Variants in EIF2D observed in about 807,000 individuals in gnomAD.
EIF2D encodes the protein eukaryotic translation initiation factor 2D.
Under a neutral mutation model 77.4 loss-of-function variants are expected in EIF2D, and 56 were observed. The observed-to-expected ratio is 0.72, with a 90% CI of 0.58 to 0.90. The LOEUF (loss-of-function observed/expected upper bound fraction) is 0.90. EIF2D is among the 40% of genes least tolerant of loss of function. The pLI is 0.00. For synonymous variants in EIF2D, 230 were observed against 271.0 expected (o/e 0.85, Z 1.49); for missense variants, 574 against 706.5 (o/e 0.81, Z 2.13).
intron 4 of EIF2D, among the ~76,000 whole-genome samples, chr1:206,578,085 G>A (rs1463387363): frequency 1.3e-5 from 2 of 150,826 alleles, no homozygotes; most frequent in Non-Finnish European, 3.0e-5. Flanking sequence ...AAATTAGCCA[G>A]GAGTGTGGCA....
intron 14 of EIF2D, 142 bp from the exon 15 acceptor site, chr1:206,591,987 A>C: frequency 5.6e-6 from 4 of 711,586 alleles, no homozygotes; most frequent in Non-Finnish European, 1.0e-5. Flanking sequence ...CCTACACCTC[A>C]CAGCTGATGT....
At chr1:206,608,785 C>T (rs1670323312) in intron 3 of EIF2D, among the ~76,000 whole-genome samples, 1 of 152,220 alleles carries the variant, frequency 6.6e-6, no homozygotes, top group Non-Finnish European at 1.5e-5. Flanking sequence ...GGTGCGGTGG[C>T]TCACGCCTGT....
chr1:206,611,191 A>C lies in EIF2D; in HGVS notation c.240T>G (p.Tyr80Ter). Residue 80 changes from tyrosine to a stop codon, truncating the protein, a stop_gained, in exon 2 of 15, where the codon TAT becomes TAG. Transcript: ENST00000271764. LOFTEE classifies it high-confidence loss of function. Reference sequence around the variant, plus strand: ...TTCGTCCTGTTGTCATACCTGTTGGATACAGATTTTTCTCCAGTTCAAAGA... The same window carrying C: ...TTCGTCCTGTTGTCATACCTGTTGGCTACAGATTTTTCTCCAGTTCAAAGA... ...PILFELEKNL[Y>*]PTVYTLWSYP... The C allele has an allele frequency of 2.5e-6, 4 of 1,612,808 alleles. No individual in the cohort carries two copies. The highest frequency in any genetic ancestry group is 3.4e-6 in the Non-Finnish European group (4 of 1,179,034).
intron 2 of EIF2D, chr1:206,585,164 C>T (rs1558525024): frequency 6.3e-7 from 1 of 1,597,316 alleles, no homozygotes; most frequent in Non-Finnish European, 8.6e-7. Flanking sequence ...TCCCAGCACC[C>T]TCTCTTGGTT....
chr1:206,583,540 GC>G, intron 2 of EIF2D: 1 of 607,418 alleles, frequency 1.6e-6, no homozygotes, highest in Non-Finnish European at 3.0e-6. Context: ...GATAGCCAGA[GC>G]CCTCAGTGGC....
Position 206,603,186 on chromosome 1 carries a change from G to A in EIF2D, c.549C>T (p.Ser183=), listed in dbSNP as rs782009219. Residue 183 remains serine (S), a synonymous_variant, in exon 6 of 15, where the codon TCC becomes TCT. Transcript: ENST00000271764. ...QDHLWRSGNK[S]SPPSIAPLAL... is the part of the protein sequence containing the mutation. ...CCAGTGGAGCAATGGAAGGTGGAGAGGACTTGTTTCCAGACCGCCTGGAAA... is the reference window on the plus strand; with the variant it reads ...CCAGTGGAGCAATGGAAGGTGGAGAAGACTTGTTTCCAGACCGCCTGGAAA... 3 of 1,613,660 alleles carry A rather than the reference G, an allele frequency of 1.9e-6. No homozygotes were observed. Among genetic ancestry groups the A allele is most frequent in the South Asian group, 2.2e-5 (2 of 91,078 alleles).
Position 206,611,259 on chromosome 1 carries a change from C to T in EIF2D, c.172G>A (p.Gly58Arg). The change falls in exon 2 of 15, where the codon GGG (glycine) becomes AGG (arginine). Residue 58 changes from glycine to arginine, a missense_variant. Transcript: ENST00000271764. ...CTCACGTACACAGTCACTGCATCCC[C>T]TTTGTGAGCATACAACTTCACAATG... ...LNIVKLYAHK[G>R]DAVTVYVSGG... 2 of 1,614,228 alleles carry T rather than the reference C, an allele frequency of 1.2e-6. No individual in the cohort carries two copies. Among genetic ancestry groups the T allele is most frequent in the Non-Finnish European group, 1.7e-6 (2 of 1,180,040 alleles).
At chr1:206,580,937 G>C (rs1403877981) in exon 3 of EIF2D, 1 of 152,218 alleles carries the variant, frequency 6.6e-6, no homozygotes. Flanking sequence ...TAACTTACAG[G>C]CTTTGGTTTA....
chr1:206,581,709 G>T (rs1668887703), intron 2 of EIF2D, among the ~76,000 whole-genome samples: 1 of 152,178 alleles, frequency 6.6e-6, no homozygotes, highest in African/African-American at 2.4e-5. Flanking sequence ...GTGCTGAGGG[G>T]TTGGAGGTGG....
At chr1:206,586,712 T>A, downstream of EIF2D, 1 of 807,008 alleles carries the variant, frequency 1.2e-6, no homozygotes, top group Non-Finnish European at 2.0e-6. Flanking sequence ...AAACTGTGTG[T>A]GAATCACGGA....
chr1:206,571,971 TAA>T (rs1391291757), intron 5 of EIF2D, among the ~76,000 whole-genome samples: 8 of 151,994 alleles, frequency 5.3e-5, no homozygotes, highest in African/African-American at 1.9e-4. Context: ...ACCTCTGAGC[TAA>T]AAAGGGGGCT....
rs782322660 is a variant in EIF2D, at chr1:206,597,096, T to C, written c.1388+4A>G. On this transcript the variant is annotated splice_donor_region_variant and intron_variant, in intron 12 of 14. Transcript: ENST00000271764. Reference sequence around the variant, plus strand: ...GTTGGAGAGGGACTGCCAATGCTCGTTACCTGGTCAGAAGACTGTCCCATG... The same window carrying C: ...GTTGGAGAGGGACTGCCAATGCTCGCTACCTGGTCAGAAGACTGTCCCATG... The C allele has an allele frequency of 2.5e-6, 4 of 1,613,284 alleles. No individual in the cohort carries two copies. Among genetic ancestry groups the C allele is most frequent in the African/African-American group, 1.3e-5 (1 of 75,026 alleles).
chr1:206,590,239 A>G (rs1450774769), downstream of EIF2D, among the ~76,000 whole-genome samples: 1 of 152,216 alleles, frequency 6.6e-6, no homozygotes, highest in Non-Finnish European at 1.5e-5. Context: ...AGGTCTGGAC[A>G]GCACTGTGTC....
rs1286437460 is a variant in EIF2D, at chr1:206,593,506, A to AGTGTGTGTGTGTGCGTGTGT, written c.1684+112_1684+113insACACACGCACACACACACAC. On this transcript the variant is annotated intron_variant, in intron 14 of 14. Transcript: ENST00000271764. ...GAGAGAGCGAGAGAGAGAGAGAGAGAGAGTGTGTGTGTGTGTGTGTGTGTG... is the reference window on the plus strand; with the variant it reads ...GAGAGAGCGAGAGAGAGAGAGAGAGAGTGTGTGTGTGTGCGTGTGTGAGTGTGTGTGTGTGTGTGTGTGTG... The AGTGTGTGTGTGTGCGTGTGT allele has an allele frequency of 4.1e-5, 18 of 442,810 alleles. 1 individual carries two copies. The highest frequency in any genetic ancestry group is 1.2e-4 in the East Asian group (3 of 24,408). 27.4% of individuals were successfully genotyped at this position (442,810 alleles called of 1,614,324 possible). A position where few individuals can be genotyped will look rare whatever the true frequency, so the allele number is the denominator to read the frequency against.
intron 2 of EIF2D, among the ~76,000 whole-genome samples, chr1:206,582,513 CAT>C (rs1348217594): frequency 6.6e-6 from 1 of 152,196 alleles, no homozygotes; most frequent in Non-Finnish European, 1.5e-5. Flanking sequence ...TTGTGAGAAT[CAT>C]ATGAGATAAT....
Position 206,612,395 on chromosome 1 carries a change from A to G in EIF2D, c.-53T>C. 14 of 1,611,728 alleles carry G rather than the reference A, an allele frequency of 8.7e-6. No individual in the cohort carries two copies. The highest frequency in any genetic ancestry group is 1.2e-5 in the Non-Finnish European group (14 of 1,177,860). On this transcript the variant is annotated 5_prime_UTR_variant, in exon 1 of 15. Coordinates refer to ENST00000271764, the MANE Select transcript of EIF2D (RefSeq NM_006893.3). ...GCACAGAAGCCAGGGAATGTCAAGA[A>G]AGCGAGGGCGCAGCAGCTGCCAGGC...
chr1:206,592,072 G>A lies in EIF2D; in HGVS notation c.1685-227C>T, dbSNP rs542610886. On this transcript the variant is annotated intron_variant, in intron 14 of 14. Transcript: ENST00000271764. The surrounding 1 kb of genome is among the most constrained non-coding windows in gnomAD (Gnocchi z 4.7). ...AGGCATTTATAATTTTTTCACGAGA[G>A]AGAATGTGTCTGTTCAGTCTGTGCT... is the stretch of plus-strand genomic sequence containing the variant. Among the ~76,000 whole-genome samples the A allele has an allele frequency of 6.6e-6, 1 of 152,318 alleles. No homozygotes were observed. The highest frequency in any genetic ancestry group is 1.5e-5 in the Non-Finnish European group (1 of 68,030).
At chr1:206,597,491 G>A (rs781820217) in intron 11 of EIF2D, among the ~76,000 whole-genome samples, 1 of 152,220 alleles carries the variant, frequency 6.6e-6, no homozygotes, top group Non-Finnish European at 1.5e-5. Context: ...ATTGGCTAGT[G>A]AGGAAGAAAG....
downstream of EIF2D, among the ~76,000 whole-genome samples, chr1:206,589,768 A>C (rs1669282994): frequency 1.3e-5 from 2 of 152,256 alleles, no homozygotes; most frequent in Admixed American, 1.3e-4. Context: ...CATCAAAGGA[A>C]CATCTCAGTA....
Sources: gnomAD v4.1 joint callset for allele counts (sites outside exome capture counted in the v4.1 genomes callset) on GRCh38, gnomAD v4.1.1 for gene constraint, Gnocchi (gnomAD v3.1) non-coding constraint, MANE v1.5 for transcripts, NCBI Gene and HGNC (gene_info 2026-07-23, HGNC 2026-07-21) for gene names.